LLGL1: variants seen among roughly 807,000 people sequenced by gnomAD.
LLGL1 encodes LLGL scribble cell polarity complex component 1, also known as lethal(2) giant larvae protein homolog 1.
A neutral mutation model predicts 110.6 loss-of-function variants in LLGL1; 58 were observed. That is an observed-to-expected ratio of 0.52 (90% CI 0.42 to 0.65). The LOEUF is 0.65. Among genes scored for constraint, LLGL1 ranks in the 30% least tolerant of loss-of-function variants. The pLI, the probability that LLGL1 is intolerant of heterozygous loss-of-function variation, is 0.00. For synonymous variants in LLGL1, 674 were observed against 607.2 expected (o/e 1.11, Z -1.62); for missense variants, 1,229 against 1,462.1 (o/e 0.84, Z 2.60).
At chr17:18,236,344 C>G (rs2047693770) in intron 11 of LLGL1, 1 of 483,840 alleles carries the variant, frequency 2.1e-6, no homozygotes, top group Admixed American at 3.6e-5. Context: ...TTTGCCACCT[C>G]CTGTTAATCA....
chr17:18,241,448 C>A lies in LLGL1; in HGVS notation c.2503-3C>A. 6.2e-7 allele frequency: 1 copy of A among 1,610,226 alleles called. No individual in the cohort carries two copies. Among genetic ancestry groups the A allele is most frequent in the South Asian group, 1.1e-5 (1 of 90,958 alleles). Reference sequence around the variant, plus strand: ...TTTGTGCTCACCAGCCACCTGCTGTCAGGTGTTCACACTGCCCAAGGTGAG... The same window carrying A: ...TTTGTGCTCACCAGCCACCTGCTGTAAGGTGTTCACACTGCCCAAGGTGAG... On this transcript the variant is annotated splice_polypyrimidine_tract_variant and splice_region_variant and intron_variant, in intron 17 of 22. Transcript: ENST00000316843.
rs183699036 is a variant in LLGL1 at position 18,230,066 on chromosome 17, G to A, written c.179+28G>A. ...ATCCTTTGCAGGACAGGTGTTCAGGGTCTGTTCAGGACCACCTGCCTGTAG... is the reference window on the plus strand; with the variant it reads ...ATCCTTTGCAGGACAGGTGTTCAGGATCTGTTCAGGACCACCTGCCTGTAG... On this transcript the variant is annotated intron_variant, in intron 2 of 22. Transcript: ENST00000316843. The A allele has an allele frequency of 4.5e-6, 7 of 1,556,736 alleles. No individual in the cohort carries two copies. The Admixed American group carries it at 1.0e-4, about 22-fold the overall frequency.
chr17:18,234,107 A>T lies in LLGL1; in HGVS notation c.646A>T (p.Ser216Cys). The T allele has an allele frequency of 6.2e-7, 1 of 1,612,108 alleles. No individual in the cohort carries two copies. Among genetic ancestry groups the T allele is most frequent in the Non-Finnish European group, 8.5e-7 (1 of 1,179,082 alleles). The change falls in exon 6 of 23, where the codon AGC becomes TGC. Residue 216 changes from serine (S) to cysteine (C), a missense_variant. Ser to Cys is a moderately radical substitution (Grantham distance 112). Transcript: ENST00000316843. ...CCCCACAAAGATTCTCATTGGCTAC[A>T]GCCGGGGCCTGCTGGTCATCTGGAA... is the stretch of plus-strand genomic sequence containing the variant. ...RDPTKILIGY[S>C]RGLLVIWNQA...
At chr17:18,232,136 C>T (rs1248520616) in intron 2 of LLGL1, among the ~76,000 whole-genome samples, 3 of 152,220 alleles carry the variant, frequency 2.0e-5, no homozygotes, top group Admixed American at 1.3e-4. Context: ...TGAAGTGGAG[C>T]GGAGCCCCAT....
intron 11 of LLGL1, chr17:18,235,913 C>T: frequency 3.9e-6 from 1 of 258,518 alleles, no homozygotes; most frequent in Non-Finnish European, 7.5e-6. Flanking sequence ...CCTGCCCTGC[C>T]CCCACTCCCG....
intron 1 of LLGL1, among the ~76,000 whole-genome samples, chr17:18,228,530 A>G (rs146393057): frequency 2.0e-5 from 3 of 150,760 alleles, no homozygotes; most frequent in African/African-American, 7.3e-5. Context: ...GAGGGAGGTG[A>G]CTTCTGTGTG....
chr17:18,238,003 C>G (rs1466007969), intron 14 of LLGL1, 64 bp from the exon 15 acceptor site: 3 of 1,577,700 alleles, frequency 1.9e-6, no homozygotes, highest in Non-Finnish European at 1.7e-6. Context: ...CACAGGCCAG[C>G]AGGAGTGTGG....
In LLGL1 at chr17:18,242,827, T is replaced by C; in HGVS notation, c.*1+5T>C. 1 of 1,548,086 alleles carries C rather than the reference T, an allele frequency of 6.5e-7. No individual in the cohort carries two copies. Among genetic ancestry groups the C allele is most frequent in the Non-Finnish European group, 8.7e-7 (1 of 1,146,296 alleles). On this transcript the variant is annotated splice_donor_5th_base_variant and intron_variant, in intron 22 of 22. Transcript: ENST00000316843. ...GTGCCATCCTGATCAAATGAGGTGC[T>C]GCAGGGGTGGGGCCCTGGTCCTCAC...
Position 18,232,654 on chromosome 17 carries a change from T to A in LLGL1, c.262-18T>A, listed in dbSNP as rs1329461755. On this transcript the variant is annotated intron_variant, in intron 3 of 22. Transcript: ENST00000316843. ...TCCCCCTAGGCCAGCCTAGTTTTCA[T>A]CTCTGCTCACACACCAGGGCCGCCT... 1.2e-6 allele frequency: 2 copies of A among 1,614,058 alleles called. No individual in the cohort carries two copies. The highest frequency in any genetic ancestry group is 1.3e-5 in the African/African-American group (1 of 74,942).
chr17:18,230,143 A>G lies in LLGL1; in HGVS notation c.179+105A>G, dbSNP rs536043511. 2.6e-4 allele frequency: 216 copies of G among 841,922 alleles called. No homozygotes were observed. In the African/African-American group the frequency reaches 3.2e-3, roughly 12 times the overall value. The allele number at this position is 841,922 out of a possible 1,614,324, so 52.2% of individuals were successfully genotyped here. ...TGGCAGTGTCCAGCTCGAGAGGAGG[A>G]CAGAGGTGCTCTGATGGGCAGTAGT... On this transcript the variant is annotated intron_variant, in intron 2 of 22. Transcript: ENST00000316843.
intron 1 of LLGL1, 147 bp from the exon 2 acceptor site, chr17:18,229,794 C>A (rs756774836): frequency 1.6e-6 from 1 of 608,218 alleles, no homozygotes; most frequent in East Asian, 2.8e-5. Flanking sequence ...CAGTTGAGGA[C>A]GCTGAGGCAC....
chr17:18,238,261 T>TTGGCCTGGCTC, intron 15 of LLGL1, 47 bp downstream of exon 15: 1 of 1,603,884 alleles, frequency 6.2e-7, no homozygotes, highest in Non-Finnish European at 8.5e-7. Flanking sequence ...GTCCTGTGCC[T>TTGGCCTGGCTC]TGGCCTGGCT....
Position 18,234,364 on chromosome 17 carries a change from G to A in LLGL1, c.806G>A (p.Gly269Asp). 6.2e-7 allele frequency: 1 copy of A among 1,612,024 alleles called. No homozygotes were observed. Among genetic ancestry groups the A allele is most frequent in the Non-Finnish European group, 8.5e-7 (1 of 1,179,724 alleles). ...TATGCTGTCTGGTCTGTGGATGCCG[G>A]CAGCTTCCCAACGCTGCAGCCCACG... ...GSYAVWSVDAGSFPTLQPTVA... is the reference protein window; with the variant it reads ...GSYAVWSVDADSFPTLQPTVA... The change falls in exon 7 of 23, where the codon GGC becomes GAC. Residue 269 changes from glycine (G) to aspartate (D), a missense_variant. By Grantham distance (94) the Gly-to-Asp change is moderately conservative. Coordinates refer to ENST00000316843, the MANE Select transcript of LLGL1 (RefSeq NM_004140.4).
At position 18,241,510 on chromosome 17, in the gene LLGL1, C is replaced by G. The variant is rs779674173; in HGVS notation, c.2562C>G (p.Gly854=). The G allele has an allele frequency of 6.2e-7, 1 of 1,613,846 alleles. No homozygotes were observed. The highest frequency in any genetic ancestry group is 2.2e-5 in the East Asian group (1 of 44,872). ...KTKFKLTAHE[G]CRVRKVALAT... ...AGTTCAAGCTGACGGCCCATGAGGG[C>G]TGTCGTGTGCGCAAGGTGGCACTGG... is the stretch of plus-strand genomic sequence containing the variant. Residue 854 remains glycine (G), a synonymous_variant, in exon 18 of 23, where the codon GGC becomes GGG. Coordinates refer to ENST00000316843, the MANE Select transcript of LLGL1 (RefSeq NM_004140.4).
intron 11 of LLGL1, chr17:18,235,839 G>A: frequency 2.5e-6 from 1 of 403,862 alleles, no homozygotes; most frequent in Non-Finnish European, 4.5e-6. Flanking sequence ...CCCAGGGAAG[G>A]TGCCAGAGAG....
intron 10 of LLGL1, 57 bp from the exon 11 acceptor site, chr17:18,235,413 A>C (rs2047670716): frequency 6.2e-7 from 1 of 1,608,480 alleles, no homozygotes; most frequent in African/African-American, 1.3e-5. Context: ...ACTCGGGGTG[A>C]GAGGGAGAAG....
chr17:18,233,853 G>C lies in LLGL1; in HGVS notation c.468G>C (p.Glu156Asp). Residue 156 changes from glutamate (E) to aspartate (D), a missense_variant, in exon 5 of 23, where the codon GAG becomes GAC. Glu to Asp is a conservative substitution (Grantham distance 45). Transcript: ENST00000316843. ...AASDIAALGTEGSSVFFLDVT... is the reference protein window; with the variant it reads ...AASDIAALGTDGSSVFFLDVT... The stretch of plus-strand genomic sequence containing the variant: ...GCGACATAGCAGCCCTGGGCACTGA[G>C]GGCAGCAGTGTCTTCTTCCTGGATG... The C allele has an allele frequency of 6.2e-7, 1 of 1,613,840 alleles. No homozygotes were observed. The highest frequency in any genetic ancestry group is 8.5e-7 in the Non-Finnish European group (1 of 1,179,986).
rs2047966578 is a variant in LLGL1, at chr17:18,244,830, T to C, written c.*924T>C. ...ATTAGCGCCATTTTAATATTAAAAA[T>C]ACTGATTTTTAATATTGAAAATAAA... On this transcript the variant is annotated 3_prime_UTR_variant, in exon 23 of 23. Coordinates refer to ENST00000316843, the MANE Select transcript of LLGL1 (RefSeq NM_004140.4). 4 of 382,660 alleles carry C rather than the reference T, an allele frequency of 1.0e-5. No individual in the cohort carries two copies. In the Middle Eastern group the frequency reaches 2.0e-3, roughly 192 times the overall value. The allele number at this position is 382,660 out of a possible 1,614,324, so 23.7% of individuals were successfully genotyped here.
chr17:18,240,518 G>C lies in LLGL1; in HGVS notation c.2207-60G>C. 6.7e-7 allele frequency: 1 copy of C among 1,499,366 alleles called. No individual in the cohort carries two copies. The highest frequency in any genetic ancestry group is 8.9e-7 in the Non-Finnish European group (1 of 1,122,786). 92.9% of individuals were successfully genotyped at this position (1,499,366 alleles called of 1,614,324 possible). ...GGGAGGGACCTGCAGTCTGTGGGAA[G>C]ACCCCAGGGGAGATGCCTGGCCCAC... is the stretch of plus-strand genomic sequence containing the variant. On this transcript the variant is annotated intron_variant, in intron 16 of 22. Transcript: ENST00000316843. This position sits in a 1 kb window ranked among gnomAD's most constrained non-coding sequence, Gnocchi z 5.3.
Sources: gnomAD v4.1 joint callset for allele counts (sites outside exome capture counted in the v4.1 genomes callset) on GRCh38, gnomAD v4.1.1 for gene constraint, Gnocchi (gnomAD v3.1) non-coding constraint, MANE v1.5 for transcripts, NCBI Gene and HGNC (gene_info 2026-07-23, HGNC 2026-07-21) for gene names.